The following SUMF1 variants were observed in gnomAD, a reference collection of about 807,000 sequenced individuals.
SUMF1 encodes the protein sulfatase modifying factor 1.
In SUMF1, 48 loss-of-function variants were observed where a neutral mutation model predicts 47.6. That is an observed-to-expected ratio of 1.01 (90% CI 0.80 to 1.28). SUMF1 has a LOEUF of 1.28. Among genes scored for constraint, SUMF1 ranks in the 50% most tolerant of loss-of-function variants. The pLI is 0.00. For missense variants in SUMF1, 571 were observed against 485.4 expected (o/e 1.18, Z -1.66); for synonymous variants, 230 against 192.1 (o/e 1.20, Z -1.63).
intron 1 of SUMF1, among the ~76,000 whole-genome samples, chr3:4,464,188 C>T (rs2079881551): frequency 6.6e-6 from 1 of 152,196 alleles, no homozygotes; most frequent in African/African-American, 2.4e-5. Context: ...TGTGTTGATA[C>T]TATTCTCCTT....
intron 3 of SUMF1, among the ~76,000 whole-genome samples, chr3:4,429,961 TTTTAAAAGTATGCTTTTAAAGGAC>T (rs1360626771): frequency 1.3e-5 from 2 of 152,200 alleles, no homozygotes; most frequent in East Asian, 1.9e-4. Flanking sequence ...TTTTAAAGGA[TTTTAAAAGTATGCTTTTAAAGGAC>T]TTTAAAGGTG....
At chr3:4,088,968 T>C (rs76971278) in intron 8 of SUMF1, among the ~76,000 whole-genome samples, 5,212 of 152,128 alleles carry the variant, frequency 0.034, 329 homozygotes, top group African/African-American at 0.12. Context: ...AAAAGAATAA[T>C]TTAAGTCATG....
chr3:4,151,626 C>T (rs34966987), intron 8 of SUMF1, among the ~76,000 whole-genome samples: 48,259 of 145,992 alleles, frequency 0.33, 8,938 homozygotes, highest in Non-Finnish European at 0.41. Context: ...AAACTTTTGG[C>T]TTCCCTGGAC....
intron 8 of SUMF1, chr3:4,303,361 A>G (rs1438700267): frequency 6.5e-7 from 1 of 1,540,778 alleles, no homozygotes; most frequent in Non-Finnish European, 8.7e-7. Context: ...GCGTTGCGTG[A>G]GGCGGGTAAA....
rs1352792182 is a variant in SUMF1, at chr3:4,151,433, G to A, written c.1015-82688C>T. Among the ~76,000 whole-genome samples the A allele has an allele frequency of 3.5e-5, 5 of 144,700 alleles. No homozygotes were observed. The South Asian group carries it at 8.5e-4, about 24-fold the overall frequency. The allele number at this position is 144,700 out of a possible 152,430, so 94.9% of individuals were successfully genotyped here. ...TATATGTATATATGTGTATACATGTGTATATATGTATATATGTATACATGT... is the reference window on the plus strand; with the variant it reads ...TATATGTATATATGTGTATACATGTATATATATGTATATATGTATACATGT... On this transcript the variant is annotated intron_variant and NMD_transcript_variant, in intron 8 of 12. Transcript: ENST00000448413.
intron 8 of SUMF1, among the ~76,000 whole-genome samples, chr3:4,230,966 G>A (rs1696285241): frequency 6.6e-6 from 1 of 152,098 alleles, no homozygotes; most frequent in Non-Finnish European, 1.5e-5. Context: ...TTAAAGGGAG[G>A]TACATGTGAA....
At chr3:4,342,010 T>C (rs892994172) in intron 8 of SUMF1, among the ~76,000 whole-genome samples, 3 of 152,182 alleles carry the variant, frequency 2.0e-5, no homozygotes, top group Non-Finnish European at 4.4e-5. Context: ...CTTACAGAGA[T>C]TATGGGACAT....
intron 8 of SUMF1, among the ~76,000 whole-genome samples, chr3:4,182,931 A>G (rs1342587749): frequency 6.9e-6 from 1 of 145,226 alleles, no homozygotes; most frequent in East Asian, 2.1e-4. Flanking sequence ...TCCTTCCATT[A>G]TTCCTCAGAC....
chr3:4,308,036 A>T (rs563364366), intron 8 of SUMF1, among the ~76,000 whole-genome samples: 1 of 152,286 alleles, frequency 6.6e-6, no homozygotes, highest in South Asian at 2.1e-4. Flanking sequence ...TAAAAAAAAA[A>T]AATCCCATTC....
chr3:4,418,626 T>C (rs534023880), intron 4 of SUMF1, among the ~76,000 whole-genome samples: 10 of 152,324 alleles, frequency 6.6e-5, no homozygotes, highest in South Asian at 4.1e-4. Flanking sequence ...TGGACCTGCA[T>C]TGTGGCTTTG....
chr3:4,258,008 G>C (rs1338880151), intron 8 of SUMF1, among the ~76,000 whole-genome samples: 1 of 151,966 alleles, frequency 6.6e-6, no homozygotes, highest in African/African-American at 2.4e-5. Context: ...ACAAGCAATG[G>C]GGAAAGGATT....
At chr3:4,278,053 T>A (rs1697454910) in intron 8 of SUMF1, among the ~76,000 whole-genome samples, 1 of 152,136 alleles carries the variant, frequency 6.6e-6, no homozygotes, top group Non-Finnish European at 1.5e-5. Context: ...AGGAGTTTGG[T>A]CCCAAGTATT....
chr3:4,450,583 A>G (rs2125127786), intron 2 of SUMF1, among the ~76,000 whole-genome samples: 1 of 152,320 alleles, frequency 6.6e-6, no homozygotes, highest in South Asian at 2.1e-4. Flanking sequence ...AGGGGATATA[A>G]GGTCAATATC....
At chr3:4,071,197 G>A (rs1406903943) in intron 8 of SUMF1, among the ~76,000 whole-genome samples, 1 of 152,014 alleles carries the variant, frequency 6.6e-6, no homozygotes, top group Admixed American at 6.6e-5. Flanking sequence ...TGGCTGAATA[G>A]GAACAGCTCC....
chr3:4,183,174 G>A (rs1473508235), intron 8 of SUMF1, among the ~76,000 whole-genome samples: 1 of 152,050 alleles, frequency 6.6e-6, no homozygotes, highest in Non-Finnish European at 1.5e-5. Context: ...TGGTGTCAGA[G>A]GCAAAGACAG....
rs190480907 is a variant in SUMF1 at position 4,343,625 on chromosome 3, T to C, written c.1014+32705A>G. Among the ~76,000 whole-genome samples the C allele has an allele frequency of 5.9e-5, 9 of 152,346 alleles. No individual in the cohort carries two copies. In the East Asian group the frequency reaches 1.3e-3, roughly 23 times the overall value. On this transcript the variant is annotated intron_variant and NMD_transcript_variant, in intron 8 of 12. Coordinates refer to the SUMF1 transcript ENST00000448413. ...GCACCCTACAGAAGAATTTCTCCTA[T>C]GCTGAGCTACCTTGGCTGTTCTCAA...
At chr3:4,168,939 T>C (rs1694771348) in intron 8 of SUMF1, among the ~76,000 whole-genome samples, 1 of 152,192 alleles carries the variant, frequency 6.6e-6, no homozygotes, top group South Asian at 2.1e-4. Flanking sequence ...ATAACCATGG[T>C]AGATATTGTT....
chr3:4,220,549 T>TCCATCTCTCTCTCCCTCCCTCCTTC (rs1696038925), intron 8 of SUMF1, among the ~76,000 whole-genome samples: 1 of 152,078 alleles, frequency 6.6e-6, no homozygotes, highest in African/African-American at 2.4e-5. Context: ...TCTCTCTCTT[T>TCCATCTCTCTCTCCCTCCCTCCTTC]CCATCTCTCT....
At chr3:4,364,013 T>C (rs1310092366) in intron 8 of SUMF1, among the ~76,000 whole-genome samples, 3 of 135,790 alleles carry the variant, frequency 2.2e-5, no homozygotes, top group African/African-American at 8.1e-5. Flanking sequence ...TCTGTTTATA[T>C]GCTGGATTAC....
Sources: allele counts gnomAD v4.1 joint callset (sites outside exome capture counted in the v4.1 genomes callset), GRCh38; gene constraint gnomAD v4.1.1; transcripts MANE v1.5; gene names NCBI Gene and HGNC (gene_info 2026-07-23, HGNC 2026-07-21).